NLGN1: variants seen among roughly 807,000 people sequenced by gnomAD.
The protein encoded by NLGN1 is neuroligin-1.
In NLGN1, 12 loss-of-function variants were observed where a neutral mutation model predicts 65.5. The observed-to-expected ratio is 0.18, with a 90% CI of 0.12 to 0.30. The LOEUF (loss-of-function observed/expected upper bound fraction) is 0.30. Among genes scored for constraint, NLGN1 ranks in the 10% least tolerant of loss-of-function variants. The pLI is 1.00. For missense variants in NLGN1, 750 were observed against 1,007.1 expected, an observed-to-expected ratio of 0.74 and a Z score of 3.46; for synonymous variants, 350 against 359.5, an observed-to-expected ratio of 0.97 and a Z score of 0.30.
intron 4 of NLGN1, among the ~76,000 whole-genome samples, chr3:174,150,624 A>C (rs1724138934): frequency 1.3e-5 from 2 of 152,230 alleles, no homozygotes; most frequent in Admixed American, 1.3e-4. Context: ...CGAATAAGAA[A>C]CCATATGAAT....
At chr3:173,659,747 T>G (rs539235254) in intron 3 of NLGN1, among the ~76,000 whole-genome samples, 2 of 151,466 alleles carry the variant, frequency 1.3e-5, no homozygotes, top group South Asian at 4.1e-4. Flanking sequence ...TTCTCTGGGC[T>G]TCTGTGTGCG....
chr3:173,558,057 G>T (rs964601625), intron 2 of NLGN1, among the ~76,000 whole-genome samples: 1 of 151,576 alleles, frequency 6.6e-6, no homozygotes, highest in African/African-American at 2.4e-5. Context: ...CCACCTTAAA[G>T]ATACAGTTGC....
chr3:173,935,620 A>ACT (rs1209463253), intron 4 of NLGN1, among the ~76,000 whole-genome samples: 43 of 116,664 alleles, frequency 3.7e-4, no homozygotes, highest in African/African-American at 9.4e-4. Context: ...ACACACACAC[A>ACT]CACTCTCTCT....
At chr3:173,820,385 A>C (rs951522769) in intron 4 of NLGN1, among the ~76,000 whole-genome samples, 1 of 152,112 alleles carries the variant, frequency 6.6e-6, no homozygotes, top group African/African-American at 2.4e-5. Flanking sequence ...GCTCAGCATG[A>C]GGTAAGTGAA....
At chr3:173,639,386 G>C (rs1304691453) in intron 3 of NLGN1, among the ~76,000 whole-genome samples, 1 of 152,122 alleles carries the variant, frequency 6.6e-6, no homozygotes, top group Non-Finnish European at 1.5e-5. Flanking sequence ...AAGCTGTTGA[G>C]GCATCTCTGA....
intron 3 of NLGN1, among the ~76,000 whole-genome samples, chr3:173,667,434 AC>A (rs895746706): frequency 6.6e-6 from 1 of 152,072 alleles, no homozygotes; most frequent in Non-Finnish European, 1.5e-5. Context: ...TACCCAACAC[AC>A]CCCACCCAGA....
intron 2 of NLGN1, among the ~76,000 whole-genome samples, chr3:173,499,730 T>C (rs976946583): frequency 6.6e-5 from 10 of 151,942 alleles, no homozygotes; most frequent in African/African-American, 1.2e-4. Flanking sequence ...TTTTATTTCA[T>C]TGAGCAGTGG....
intron 2 of NLGN1, among the ~76,000 whole-genome samples, chr3:173,492,912 C>G (rs1317925288): frequency 6.6e-6 from 1 of 151,704 alleles, no homozygotes; most frequent in Non-Finnish European, 1.5e-5. Context: ...ATATTAGTAT[C>G]TCCTTAGGAA....
chr3:174,076,679 TAGAGAGAGAG>T (rs3979619), intron 4 of NLGN1, among the ~76,000 whole-genome samples: 1,915 of 92,864 alleles, frequency 0.021, 52 homozygotes, highest in African/African-American at 0.064. Context: ...TCTGGGACCA[TAGAGAGAGAG>T]AGAGAGAGAG....
At chr3:174,026,589 A>T (rs1728878102) in intron 4 of NLGN1, among the ~76,000 whole-genome samples, 3 of 152,236 alleles carry the variant, frequency 2.0e-5, no homozygotes, top group African/African-American at 7.2e-5. Flanking sequence ...ATATTTTATA[A>T]GCACAACTCA....
At chr3:174,070,204 GA>G (rs1739512850) in intron 4 of NLGN1, among the ~76,000 whole-genome samples, 2 of 152,098 alleles carry the variant, frequency 1.3e-5, no homozygotes, top group Admixed American at 1.3e-4. Flanking sequence ...AAATTTAAGT[GA>G]AACCAGACAG....
intron 4 of NLGN1, among the ~76,000 whole-genome samples, chr3:173,832,626 A>G (rs1022196410): frequency 6.6e-6 from 1 of 152,218 alleles, no homozygotes; most frequent in African/African-American, 2.4e-5. Context: ...CATCAAAGCT[A>G]TTTCCTTGTG....
intron 4 of NLGN1, among the ~76,000 whole-genome samples, chr3:174,041,773 T>C (rs992903980): frequency 1.3e-5 from 2 of 152,186 alleles, no homozygotes; most frequent in Non-Finnish European, 2.9e-5. Context: ...TGCGAAAGGT[T>C]TGTTCAAATA....
chr3:174,147,807 A>C (rs1241488846), intron 4 of NLGN1, among the ~76,000 whole-genome samples: 1 of 152,144 alleles, frequency 6.6e-6, no homozygotes, highest in Non-Finnish European at 1.5e-5. Context: ...GGAATTAATT[A>C]GATTATTGTG....
At chr3:173,476,447 A>T (rs1467734051) in intron 2 of NLGN1, among the ~76,000 whole-genome samples, 3 of 152,202 alleles carry the variant, frequency 2.0e-5, no homozygotes, top group Non-Finnish European at 4.4e-5. Flanking sequence ...TGCTCCAAAA[A>T]ATTGTGGCCT....
intron 2 of NLGN1, among the ~76,000 whole-genome samples, chr3:173,588,243 C>G (rs1195705128): frequency 6.6e-6 from 1 of 152,102 alleles, no homozygotes; most frequent in Non-Finnish European, 1.5e-5. Context: ...GGTAGCTAAC[C>G]ATATAATCCT....
Position 173,868,860 on chromosome 3 carries a change from T to A in NLGN1, c.646+61028T>A, listed in dbSNP as rs140525082. On this transcript the variant is annotated intron_variant, in intron 4 of 6. Coordinates refer to ENST00000457714, the Ensembl canonical transcript of NLGN1. ...TGAGCTTAAACCCACAATATTTACA[T>A]GAGGTACTTAAAAAGTAGGGAGAGA... is the stretch of plus-strand genomic sequence containing the variant. 2.3e-4 allele frequency among the ~76,000 whole-genome samples: 35 copies of A among 151,988 alleles called. No homozygotes were observed. The East Asian group carries it at 5.6e-3, about 24-fold the overall frequency.
At chr3:173,775,507 C>A (rs1489558089) in intron 3 of NLGN1, among the ~76,000 whole-genome samples, 1 of 152,028 alleles carries the variant, frequency 6.6e-6, no homozygotes, top group African/African-American at 2.4e-5. Flanking sequence ...GATCATGCCT[C>A]CTGCATGAGA....
chr3:173,659,997 A>T (rs981272041), intron 3 of NLGN1, among the ~76,000 whole-genome samples: 3 of 151,962 alleles, frequency 2.0e-5, no homozygotes, highest in African/African-American at 7.2e-5. Flanking sequence ...ACTGGCAGAT[A>T]TGCAAGTTTC....
Sources: gnomAD v4.1 joint callset for allele counts (sites outside exome capture counted in the v4.1 genomes callset) on GRCh38, gnomAD v4.1.1 for gene constraint, MANE v1.5 for transcripts, NCBI Gene and HGNC (gene_info 2026-07-23, HGNC 2026-07-21) for gene names.